The following PPP4R3B variants were observed in gnomAD, a reference collection of about 807,000 sequenced individuals.
PPP4R3B encodes the protein serine/threonine-protein phosphatase 4 regulatory subunit 3B.
PPP4R3B carries 52 observed loss-of-function variants against 95.4 expected under a neutral mutation model. That is an observed-to-expected ratio of 0.54 (90% CI 0.44 to 0.69). PPP4R3B has a LOEUF of 0.69. Among genes scored for constraint, PPP4R3B ranks in the 30% least tolerant of loss-of-function variants. The probability of loss-of-function intolerance (pLI) is 0.00; values close to 1 mark genes in which losing one functional copy is unlikely to be tolerated. For missense variants in PPP4R3B, 1,003 were observed against 1,005.9 expected (o/e 1.00, Z 0.04); for synonymous variants, 407 against 343.9 (o/e 1.18, Z -2.03).
At chr2:55,593,256 G>C (rs933429487) in intron 4 of PPP4R3B, among the ~76,000 whole-genome samples, 1 of 152,182 alleles carries the variant, frequency 6.6e-6, no homozygotes, top group East Asian at 1.9e-4. Flanking sequence ...AACATTTGGA[G>C]TCACTAAAGT....
chr2:55,552,997 A>G (rs1685421874), intron 16 of PPP4R3B, among the ~76,000 whole-genome samples: 1 of 152,200 alleles, frequency 6.6e-6, no homozygotes, highest in Non-Finnish European at 1.5e-5. Context: ...GTTTAATTAT[A>G]GTAAAACAGA....
chr2:55,576,693 C>T (rs539802639), intron 11 of PPP4R3B, among the ~76,000 whole-genome samples: 27 of 152,234 alleles, frequency 1.8e-4, no homozygotes, highest in South Asian at 1.5e-3. Flanking sequence ...CAGAGTGAGA[C>T]TCCATCTCAA....
chr2:55,584,863 C>CT (rs1559000583), intron 7 of PPP4R3B, among the ~76,000 whole-genome samples, 188 bp downstream of exon 7: 1 of 152,134 alleles, frequency 6.6e-6, no homozygotes, highest in African/African-American at 2.4e-5. Flanking sequence ...ATCTGGGTTT[C>CT]TTTTTTTCTA....
At chr2:55,580,769 A>C (rs1435439553) in intron 8 of PPP4R3B, among the ~76,000 whole-genome samples, 1 of 152,190 alleles carries the variant, frequency 6.6e-6, no homozygotes, top group Non-Finnish European at 1.5e-5. Context: ...ATATGAAGGA[A>C]ATTTTATAAA....
intron 12 of PPP4R3B, among the ~76,000 whole-genome samples, chr2:55,572,818 A>C (rs1273585493): frequency 6.6e-6 from 1 of 152,156 alleles, no homozygotes; most frequent in Non-Finnish European, 1.5e-5. Context: ...TAATTTATCC[A>C]CTGGAGAATG....
At chr2:55,555,596 C>T (rs962711342) in intron 16 of PPP4R3B, among the ~76,000 whole-genome samples, 1 of 152,080 alleles carries the variant, frequency 6.6e-6, no homozygotes, top group Non-Finnish European at 1.5e-5. Flanking sequence ...CACCTGTAAT[C>T]CTAGAACATT....
chr2:55,584,860 T>A (rs1689928934), intron 7 of PPP4R3B, among the ~76,000 whole-genome samples, 191 bp downstream of exon 7: 2 of 152,168 alleles, frequency 1.3e-5, no homozygotes, highest in Non-Finnish European at 2.9e-5. Context: ...AATATCTGGG[T>A]TTCTTTTTTT....
chr2:55,592,475 C>T (rs547463693), intron 4 of PPP4R3B, among the ~76,000 whole-genome samples: 1 of 152,086 alleles, frequency 6.6e-6, no homozygotes, highest in Non-Finnish European at 1.5e-5. Flanking sequence ...GTACTTGAAT[C>T]CAAAGAAAAA....
chr2:55,593,126 C>G lies in PPP4R3B; in HGVS notation c.922-4170G>C, dbSNP rs558880872. On this transcript the variant is annotated intron_variant, in intron 4 of 16. Transcript: ENST00000616407. Reference sequence around the variant, plus strand: ...TGAGCCAAGATGGCGCCACTGCACTCCAGCCTGGGTGACAGAGCGAGACTC... The same window carrying G: ...TGAGCCAAGATGGCGCCACTGCACTGCAGCCTGGGTGACAGAGCGAGACTC... Among the ~76,000 whole-genome samples the G allele has an allele frequency of 2.0e-4, 31 of 152,108 alleles. 1 individual carries two copies. Among genetic ancestry groups the G allele is most frequent in the African/African-American group, 6.0e-4 (25 of 41,488 alleles).
Position 55,573,662 on chromosome 2 carries a change from T to A in PPP4R3B, c.1722A>T (p.Arg574Ser). The change falls in exon 12 of 17, where the codon AGA becomes AGT. Residue 574 changes from arginine to serine, a missense_variant. This residue lies in a region of PPP4R3B where 695 missense variants were observed against 686.2 expected (regional missense o/e 1.01). Coordinates refer to ENST00000616407, the MANE Select transcript of PPP4R3B (RefSeq NM_001122964.3). ...NYIMNKDLLRRVLVLMNSKHT... is the reference protein window; with the variant it reads ...NYIMNKDLLRSVLVLMNSKHT... Reference sequence around the variant, plus strand: ...GCTTTGAATTCATCAAGACCAAGACTCTTCTTAGCAAGTCCTTGTTCATAA... The same window carrying A: ...GCTTTGAATTCATCAAGACCAAGACACTTCTTAGCAAGTCCTTGTTCATAA... The A allele has an allele frequency of 6.5e-7, 1 of 1,545,424 alleles. No individual in the cohort carries two copies. Among genetic ancestry groups the A allele is most frequent in the Non-Finnish European group, 8.7e-7 (1 of 1,145,192 alleles).
At chr2:55,592,424 G>A (rs1217142089) in intron 4 of PPP4R3B, among the ~76,000 whole-genome samples, 1 of 152,074 alleles carries the variant, frequency 6.6e-6, no homozygotes, top group Non-Finnish European at 1.5e-5. Context: ...AAGCTGGAAT[G>A]GGCCAAATCT....
chr2:55,591,665 T>C, intron 4 of PPP4R3B: 6 of 984,778 alleles, frequency 6.1e-6, no homozygotes, highest in Non-Finnish European at 7.2e-6. Flanking sequence ...TCTTCTTATA[T>C]GATTCGGTAC....
intron 2 of PPP4R3B, among the ~76,000 whole-genome samples, chr2:55,611,911 T>G (rs927665017): frequency 3.3e-5 from 5 of 152,142 alleles, no homozygotes; most frequent in African/African-American, 9.7e-5. Flanking sequence ...GAATTTTTTT[T>G]GGTAGAGACA....
chr2:55,586,679 C>A lies in PPP4R3B; in HGVS notation c.1055G>T (p.Arg352Met). 6.2e-7 allele frequency: 1 copy of A among 1,610,410 alleles called. No individual in the cohort carries two copies. The highest frequency in any genetic ancestry group is 8.5e-7 in the Non-Finnish European group (1 of 1,178,370). The change falls in exon 6 of 17, where the codon AGG becomes ATG. Residue 352 changes from arginine to methionine, a missense_variant. This residue lies in a region of PPP4R3B where 695 missense variants were observed against 686.2 expected (regional missense o/e 1.01). Transcript: ENST00000616407. ...AFSQTLQPQN[R>M]DAFFKTLAKL... ...TGCCAATGTTTTGAAAAATGCATCC[C>A]TGTTTTGAGGTTGTAATGTCTGAGA...
At chr2:55,570,733 C>T (rs1687889678) in intron 12 of PPP4R3B, among the ~76,000 whole-genome samples, 1 of 152,214 alleles carries the variant, frequency 6.6e-6, no homozygotes, top group Non-Finnish European at 1.5e-5. Flanking sequence ...AGGTTCTAAA[C>T]ATTATCTGAG....
At position 55,579,684 on chromosome 2, in the gene PPP4R3B, T is replaced by C. The variant is rs752881799; in HGVS notation, c.1463A>G (p.Glu488Gly). The C allele has an allele frequency of 4.4e-6, 7 of 1,586,166 alleles. No homozygotes were observed. Among genetic ancestry groups the C allele is most frequent in the South Asian group, 1.2e-5 (1 of 85,866 alleles). ...LLTNTSEDKC[E>G]KDFFLKHYRY... ...GATAAATAAAGAGACCCTACCCTTTTCACATTTGTCTTCTGAAGTATTGGT... is the reference window on the plus strand; with the variant it reads ...GATAAATAAAGAGACCCTACCCTTTCCACATTTGTCTTCTGAAGTATTGGT... Residue 488 changes from glutamate to glycine, a missense_variant, in exon 9 of 17, where the codon GAA becomes GGA. This residue lies in a region of PPP4R3B where 695 missense variants were observed against 686.2 expected (regional missense o/e 1.01). Transcript: ENST00000616407.
intron 16 of PPP4R3B, among the ~76,000 whole-genome samples, chr2:55,552,866 A>C (rs193040411): frequency 6.6e-6 from 1 of 152,380 alleles, no homozygotes; most frequent in Admixed American, 6.5e-5. Flanking sequence ...CAACAGGAAG[A>C]AGCCAAGAAC....
At chr2:55,553,102 T>C (rs1171407279) in intron 16 of PPP4R3B, among the ~76,000 whole-genome samples, 1 of 152,192 alleles carries the variant, frequency 6.6e-6, no homozygotes, top group Non-Finnish European at 1.5e-5. Flanking sequence ...AAAATGACTC[T>C]ATAAAGAATA....
chr2:55,577,286 G>T (rs751067862), intron 11 of PPP4R3B, 29 bp downstream of exon 11: 3 of 1,537,172 alleles, frequency 2.0e-6, no homozygotes, highest in Non-Finnish European at 2.6e-6. Context: ...TAATTTGCAT[G>T]TATTCATAAA....
Sources: allele counts gnomAD v4.1 joint callset (sites outside exome capture counted in the v4.1 genomes callset), GRCh38; gene constraint gnomAD v4.1.1; regional missense constraint gnomAD v4.1.1; transcripts MANE v1.5; gene names NCBI Gene and HGNC (gene_info 2026-07-23, HGNC 2026-07-21).